The following FRMPD4 variants were observed in gnomAD, a reference collection of about 807,000 sequenced individuals.
The protein encoded by FRMPD4 is FERM and PDZ domain containing 4.
A neutral mutation model predicts 94.1 loss-of-function variants in FRMPD4; 22 were observed. That is an observed-to-expected ratio of 0.23 (90% CI 0.17 to 0.33). FRMPD4 has a LOEUF of 0.33. Among genes scored for constraint, FRMPD4 ranks in the 10% least tolerant of loss-of-function variants. The probability of loss-of-function intolerance (pLI) is 1.00; values close to 1 mark genes in which losing one functional copy is unlikely to be tolerated. For missense variants in FRMPD4, 1,111 were observed against 1,339.9 expected, an observed-to-expected ratio of 0.83 and a Z score of 2.67; for synonymous variants, 631 against 548.6, an observed-to-expected ratio of 1.15 and a Z score of -2.10.
intron 3 of FRMPD4, among the ~76,000 whole-genome samples, chrX:11,999,397 A>T (rs930989552): frequency 8.9e-6 from 1 of 112,347 alleles, no homozygotes; most frequent in African/African-American, 3.2e-5. Flanking sequence ...AAGGAAAGAG[A>T]TCTAGAAACA....
chrX:11,916,868 C>T (rs2054027425), intron 3 of FRMPD4, among the ~76,000 whole-genome samples: 1 of 111,496 alleles, frequency 9.0e-6, no homozygotes, highest in Non-Finnish European at 1.9e-5. Context: ...GCTCCCCTCC[C>T]CTCCTACTAA....
At chrX:12,120,509 C>A (rs773827331) in intron 3 of FRMPD4, among the ~76,000 whole-genome samples, 2 of 111,232 alleles carry the variant, frequency 1.8e-5, no homozygotes, top group Non-Finnish European at 3.8e-5. Context: ...TCAATATAGC[C>A]TCAGAATGGG....
intron 2 of FRMPD4, among the ~76,000 whole-genome samples, chrX:12,533,194 T>G (rs187929109): frequency 3.6e-5 from 4 of 111,471 alleles, no homozygotes; most frequent in Non-Finnish European, 7.5e-5. Context: ...TGAGACCTGA[T>G]GGTTTTATAA....
chrX:11,958,492 G>T (rs926388154), intron 3 of FRMPD4, among the ~76,000 whole-genome samples: 2 of 111,952 alleles, frequency 1.8e-5, no homozygotes, highest in African/African-American at 6.5e-5. Flanking sequence ...CTTTATAGAG[G>T]TTAAAGCAGA....
At chrX:12,039,985 GA>G (rs1019757074) in intron 3 of FRMPD4, among the ~76,000 whole-genome samples, 1 of 95,757 alleles carries the variant, frequency 1.0e-5, no homozygotes, top group African/African-American at 3.8e-5. Context: ...AAAAAAAAAA[GA>G]AAAAAAAAGA....
At chrX:12,359,825 C>T (rs2043267862) in intron 1 of FRMPD4, among the ~76,000 whole-genome samples, 1 of 111,489 alleles carries the variant, frequency 9.0e-6, no homozygotes, top group African/African-American at 3.3e-5. Context: ...CGGTTTTCCT[C>T]TTTCCTTTCT....
intron 1 of FRMPD4, among the ~76,000 whole-genome samples, chrX:12,142,646 C>T (rs1049057986): frequency 8.9e-6 from 1 of 112,059 alleles, no homozygotes; most frequent in African/African-American, 3.2e-5. Context: ...TGAACAGTTT[C>T]ATAACAGAAC....
chrX:12,668,374 A>G (rs2059801476), intron 4 of FRMPD4, among the ~76,000 whole-genome samples: 1 of 111,641 alleles, frequency 9.0e-6, no homozygotes, highest in Non-Finnish European at 1.9e-5. Flanking sequence ...ATTTCAATTC[A>G]GACAACTTCA....
intron 1 of FRMPD4, among the ~76,000 whole-genome samples, chrX:12,276,901 C>A (rs1473624393): frequency 9.1e-6 from 1 of 110,375 alleles, no homozygotes; most frequent in Non-Finnish European, 1.9e-5. Context: ...GCGGGCGGAT[C>A]ACGAGGTCAG....
intron 1 of FRMPD4, among the ~76,000 whole-genome samples, chrX:12,436,129 C>G (rs2057063941): frequency 9.0e-6 from 1 of 110,841 alleles, no homozygotes; most frequent in Non-Finnish European, 1.9e-5. Context: ...CGTCAGCCTC[C>G]AGAGTAGCTG....
At chrX:12,164,670 TA>T (rs2056082846) in intron 1 of FRMPD4, among the ~76,000 whole-genome samples, 1 of 112,423 alleles carries the variant, frequency 8.9e-6, no homozygotes, top group South Asian at 3.7e-4. Context: ...ACCAACAGTG[TA>T]AAAGTGTTCC....
rs1001341958 is a variant in FRMPD4, at chrX:12,417,629, G to GT, written c.42-81043dup. Among the ~76,000 whole-genome samples, 34 of 107,754 alleles carry GT rather than the reference G, an allele frequency of 3.2e-4. No homozygotes were observed. In the South Asian group the frequency reaches 4.8e-3, roughly 15 times the overall value. 93.6% of individuals were successfully genotyped at this position (107,754 alleles called of 115,157 possible). ...TAAAAATTTGATAACTTTATTATCA[G>GT]TTTTTTTTATTATCTTGATGATCTA... On this transcript the variant is annotated intron_variant, in intron 1 of 16. Coordinates refer to ENST00000675598, the MANE Select transcript of FRMPD4 (RefSeq NM_001368397.1).
At chrX:12,246,249 A>T (rs17328079) in intron 1 of FRMPD4, among the ~76,000 whole-genome samples, 12,431 of 111,628 alleles carry the variant, frequency 0.11, 631 homozygotes, top group South Asian at 0.24. Context: ...TTTGGTTCAC[A>T]TTGCATCAAA....
At chrX:12,674,199 C>T (rs1357906537) in intron 4 of FRMPD4, among the ~76,000 whole-genome samples, 1 of 111,985 alleles carries the variant, frequency 8.9e-6, no homozygotes, top group Non-Finnish European at 1.9e-5. Flanking sequence ...CTGCTTTTAG[C>T]CATGAAGTGC....
chrX:12,384,272 C>T (rs2056366918), intron 1 of FRMPD4, among the ~76,000 whole-genome samples: 1 of 112,157 alleles, frequency 8.9e-6, no homozygotes, highest in South Asian at 3.7e-4. Context: ...ACCCGGCACT[C>T]TGGGCGGCCA....
At chrX:12,670,257 C>A (rs184405853) in intron 4 of FRMPD4, among the ~76,000 whole-genome samples, 2 of 112,167 alleles carry the variant, frequency 1.8e-5, no homozygotes, top group African/African-American at 6.5e-5. Flanking sequence ...AGATTCTAAG[C>A]CTCCCTGTCT....
chrX:12,526,044 T>G (rs1263626881), intron 2 of FRMPD4, among the ~76,000 whole-genome samples: 1 of 112,807 alleles, frequency 8.9e-6, no homozygotes, highest in East Asian at 2.8e-4. Context: ...TCTTTTTATT[T>G]CCTGAAATAT....
chrX:12,534,452 G>A (rs775344783), intron 2 of FRMPD4, among the ~76,000 whole-genome samples: 1 of 112,164 alleles, frequency 8.9e-6, no homozygotes, highest in South Asian at 3.8e-4. Context: ...CAGAATGGTA[G>A]ATCCACTGAC....
chrX:12,245,635 G>C (rs143945295), intron 1 of FRMPD4, among the ~76,000 whole-genome samples: 168 of 107,305 alleles, frequency 1.6e-3, no homozygotes, highest in African/African-American at 4.2e-3. Flanking sequence ...ATGGTATTAA[G>C]AGATGAGACC....
Sources: gnomAD v4.1 joint callset for allele counts (sites outside exome capture counted in the v4.1 genomes callset) on GRCh38, gnomAD v4.1.1 for gene constraint, MANE v1.5 for transcripts, NCBI Gene and HGNC (gene_info 2026-07-23, HGNC 2026-07-21) for gene names.